Variants in SCOC observed in about 807,000 individuals in gnomAD.
SCOC encodes short coiled-coil protein.
Under a neutral mutation model 9.9 loss-of-function variants are expected in SCOC, and 7 were observed. The observed-to-expected ratio is 0.71, with a 90% confidence interval of 0.40 to 1.33. The LOEUF (loss-of-function observed/expected upper bound fraction) is 1.33, where lower values mean the gene tolerates loss of function less well. SCOC is among the 40% of genes most tolerant of loss of function. The pLI is 0.01. For synonymous variants in SCOC, 19 were observed against 28.2 expected, an observed-to-expected ratio of 0.67 and a Z score of 1.03; for missense variants, 66 against 89.7, an observed-to-expected ratio of 0.74 and a Z score of 1.07.
chr4:140,296,065 T>A (rs892578281), intron 1 of SCOC, among the ~76,000 whole-genome samples: 47 of 152,080 alleles, frequency 3.1e-4, no homozygotes, highest in Admixed American at 4.6e-4. Context: ...GAATCTGCAT[T>A]TTTTAAAAGT....
intron 1 of SCOC, among the ~76,000 whole-genome samples, chr4:140,319,248 C>T (rs1462731747): frequency 5.3e-5 from 8 of 152,194 alleles, no homozygotes; most frequent in Middle Eastern, 3.4e-3. Context: ...TGCGCCACCA[C>T]GCCTGGCTAA....
At chr4:140,265,361 TCA>T (rs1223354933) in intron 1 of SCOC, among the ~76,000 whole-genome samples, 1 of 152,192 alleles carries the variant, frequency 6.6e-6, no homozygotes, top group African/African-American at 2.4e-5. Flanking sequence ...TATGTGGTGG[TCA>T]GAGCATTTCG....
intron 1 of SCOC, among the ~76,000 whole-genome samples, chr4:140,280,190 C>G (rs1019427410): frequency 1.3e-5 from 2 of 152,112 alleles, no homozygotes; most frequent in Non-Finnish European, 2.9e-5. Flanking sequence ...GACCTCAGCT[C>G]ACTGCAGCCT....
chr4:140,366,943 C>T (rs1056123006), intron 2 of SCOC: 5 of 520,754 alleles, frequency 9.6e-6, no homozygotes, highest in Admixed American at 3.1e-5. Context: ...TGGTGGCTCA[C>T]GCATGTAATC....
At chr4:140,293,218 T>C in intron 1 of SCOC, 1 of 437,888 alleles carries the variant, frequency 2.3e-6, no homozygotes, top group Non-Finnish European at 4.6e-6. Flanking sequence ...CTTAAACAAC[T>C]GGGCTGCCAC....
In SCOC at chr4:140,383,001, T is replaced by C. The variant is rs1029034415; in HGVS notation, c.*1897T>C. 1 of 152,248 alleles carries C rather than the reference T, an allele frequency of 6.6e-6. No individual in the cohort carries two copies. The highest frequency in any genetic ancestry group is 1.5e-5 in the Non-Finnish European group (1 of 68,056). The allele number at this position is 152,248 out of a possible 1,614,324, so 9.4% of individuals were successfully genotyped here. A position where few individuals can be genotyped will look rare whatever the true frequency, so the allele number is the denominator to read the frequency against. ...AATCATGGCTTTCAAGTCACTCTAGTTATTCTTCTAATTTGCAGAAAAAGA... is the reference window on the plus strand; with the variant it reads ...AATCATGGCTTTCAAGTCACTCTAGCTATTCTTCTAATTTGCAGAAAAAGA... On this transcript the variant is annotated 3_prime_UTR_variant, in exon 4 of 4. Coordinates refer to ENST00000608372, the MANE Select transcript of SCOC (RefSeq NM_001153484.2).
chr4:140,261,848 G>A (rs1730639995), intron 1 of SCOC, among the ~76,000 whole-genome samples: 1 of 152,184 alleles, frequency 6.6e-6, no homozygotes, highest in Non-Finnish European at 1.5e-5. Flanking sequence ...GACCAGCAAG[G>A]AGTTAGAGAA....
intron 2 of SCOC, among the ~76,000 whole-genome samples, chr4:140,365,130 C>T (rs1325161320): frequency 6.7e-6 from 1 of 149,516 alleles, no homozygotes; most frequent in African/African-American, 2.5e-5. Flanking sequence ...ACAGGATTTA[C>T]CACAGAGCCA....
intron 2 of SCOC, among the ~76,000 whole-genome samples, chr4:140,367,332 A>G (rs187796950): frequency 6.6e-6 from 1 of 152,280 alleles, no homozygotes; most frequent in Admixed American, 6.5e-5. Context: ...TTAAAAACAG[A>G]ATCTCCTTTA....
chr4:140,309,805 C>T (rs1459334395), intron 1 of SCOC, among the ~76,000 whole-genome samples: 1 of 152,140 alleles, frequency 6.6e-6, no homozygotes, highest in Non-Finnish European at 1.5e-5. Flanking sequence ...CTTTTCCATT[C>T]CTGTCTCCCC....
rs70943486 is a variant in SCOC at position 140,332,359 on chromosome 4, C to CT, written c.-18-11232dup. On this transcript the variant is annotated intron_variant, in intron 1 of 4. Coordinates refer to the SCOC transcript ENST00000394205. Reference sequence around the variant, plus strand: ...CTCATGCCAAAAACTCTGGAGTCATCTTTTTTTTTTTTTTTTTTTTTTTTT... The same window carrying CT: ...CTCATGCCAAAAACTCTGGAGTCATCTTTTTTTTTTTTTTTTTTTTTTTTTT... Among the ~76,000 whole-genome samples, 136 of 76,770 alleles carry CT rather than the reference C, an allele frequency of 1.8e-3. 11 individuals are homozygous for CT. The highest frequency in any genetic ancestry group is 5.5e-3 in the Admixed American group (31 of 5,624). The allele number at this position is 76,770 out of a possible 152,430, so 50.4% of individuals were successfully genotyped here.
chr4:140,366,239 C>T, intron 2 of SCOC: 1 of 1,063,310 alleles, frequency 9.4e-7, no homozygotes, highest in Non-Finnish European at 1.2e-6. Flanking sequence ...TCACCTCTTT[C>T]TTGCCAAACG....
chr4:140,344,791 A>G (rs1045951276), intron 2 of SCOC, among the ~76,000 whole-genome samples: 1 of 152,214 alleles, frequency 6.6e-6, no homozygotes, highest in Non-Finnish European at 1.5e-5. Flanking sequence ...GGGGAAACCC[A>G]TGTTTCTTAG....
chr4:140,286,370 AAAC>A (rs1731268777), intron 1 of SCOC, among the ~76,000 whole-genome samples: 1 of 151,930 alleles, frequency 6.6e-6, no homozygotes, highest in Non-Finnish European at 1.5e-5. Context: ...TGAAAAAAAA[AAAC>A]ACAAAAAACA....
chr4:140,380,194 CT>C (rs993271002), intron 3 of SCOC, among the ~76,000 whole-genome samples: 4,469 of 108,428 alleles, frequency 0.041, 34 homozygotes, highest in Middle Eastern at 0.083. Context: ...TTTTCTTTTT[CT>C]TTTTTTTTTT....
At chr4:140,313,899 G>A (rs550535992) in intron 1 of SCOC, among the ~76,000 whole-genome samples, 11 of 152,034 alleles carry the variant, frequency 7.2e-5, no homozygotes, top group Admixed American at 2.0e-4. Context: ...AGGCTGAGGC[G>A]GGTGGCTCAC....
chr4:140,356,466 T>C (rs1436431887), intron 2 of SCOC, among the ~76,000 whole-genome samples: 1 of 152,236 alleles, frequency 6.6e-6, no homozygotes, highest in Non-Finnish European at 1.5e-5. Flanking sequence ...AAAAGTATCA[T>C]TTTAAAATCA....
chr4:140,368,381 T>A (rs776461178), intron 2 of SCOC, among the ~76,000 whole-genome samples: 33 of 152,206 alleles, frequency 2.2e-4, no homozygotes, highest in Non-Finnish European at 4.3e-4. Context: ...TCGTATTTAT[T>A]ATAATAAAAT....
upstream of SCOC, chr4:140,373,322 G>C (rs1728141341): frequency 1.4e-6 from 2 of 1,402,430 alleles, no homozygotes; most frequent in Non-Finnish European, 1.8e-6. Flanking sequence ...TTTCCACACT[G>C]GGATTCTCAC....
Sources: allele counts gnomAD v4.1 joint callset (sites outside exome capture counted in the v4.1 genomes callset), GRCh38; gene constraint gnomAD v4.1.1; transcripts MANE v1.5; gene names NCBI Gene and HGNC (gene_info 2026-07-23, HGNC 2026-07-21).